The following PCDHGB7 variants were observed in gnomAD, a reference collection of about 807,000 sequenced individuals.
The protein encoded by PCDHGB7 is protocadherin gamma subfamily B, 7.
Under a neutral mutation model 61.4 loss-of-function variants are expected in PCDHGB7, and 37 were observed. The observed-to-expected ratio is 0.60, with a 90% CI of 0.46 to 0.79. PCDHGB7 has a LOEUF of 0.79. Ranked by LOEUF, PCDHGB7 falls within the 30% of genes least tolerant of loss-of-function variation. The pLI is 0.00. For synonymous variants in PCDHGB7, 464 were observed against 503.5 expected, an observed-to-expected ratio of 0.92 and a Z score of 1.05; for missense variants, 1,166 against 1,202.5, an observed-to-expected ratio of 0.97 and a Z score of 0.45.
chr5:141,422,158 G>GA (rs1401712595), intron 1 of PCDHGB7: 2 of 1,571,916 alleles, frequency 1.3e-6, no homozygotes, highest in Middle Eastern at 1.7e-4. Flanking sequence ...TCTGGATTTT[G>GA]AAAAATATAG....
chr5:141,432,725 G>A lies in PCDHGB7; in HGVS notation c.2415+12451G>A, dbSNP rs755759587. The A allele has an allele frequency of 7.4e-6, 12 of 1,613,896 alleles. No individual in the cohort carries two copies. Among genetic ancestry groups the A allele is most frequent in the African/African-American group, 1.3e-5 (1 of 74,932 alleles). On this transcript the variant is annotated intron_variant, in intron 1 of 3. Transcript: ENST00000398594. This position sits in a 1 kb window ranked among gnomAD's most constrained non-coding sequence, Gnocchi z 6.0. ...GGACCACGGCCAGCCCCCTCTCTCC[G>A]CCACTGTCACGCTCACCGTGGCCGT...
At chr5:141,507,785 C>T (rs1203302886) in intron 3 of PCDHGB7, among the ~76,000 whole-genome samples, 1 of 152,222 alleles carries the variant, frequency 6.6e-6, no homozygotes, top group African/African-American at 2.4e-5. Context: ...GCCTGACCCT[C>T]GTCTAAGCCT....
Position 141,418,176 on chromosome 5 carries a change from T to G in PCDHGB7, c.317T>G (p.Leu106Trp), listed in dbSNP as rs1197334192. 1 of 1,614,078 alleles carries G rather than the reference T, an allele frequency of 6.2e-7. No individual in the cohort carries two copies. Among genetic ancestry groups the G allele is most frequent in the Non-Finnish European group, 8.5e-7 (1 of 1,179,908 alleles). Residue 106 changes from leucine (L) to tryptophan (W), a missense_variant, in exon 1 of 4, where the codon TTG becomes TGG. Physicochemically the swap from Leu to Trp is moderately conservative, Grantham distance 61. Coordinates refer to ENST00000398594, the MANE Select transcript of PCDHGB7 (RefSeq NM_018927.4). Reference protein sequence around the residue: ...CKERRRCELQLEAVVENPLNI... With the variant: ...CKERRRCELQWEAVVENPLNI... ...GAGAGAAGAAGATGTGAGTTGCAAT[T>G]GGAAGCTGTGGTGGAAAATCCTTTA...
At chr5:141,449,349 G>A (rs191322076) in intron 1 of PCDHGB7, among the ~76,000 whole-genome samples, 2 of 151,956 alleles carry the variant, frequency 1.3e-5, no homozygotes, top group African/African-American at 4.8e-5. Flanking sequence ...GCTCACTCCT[G>A]TAATCCCAGC....
intron 1 of PCDHGB7, among the ~76,000 whole-genome samples, chr5:141,465,091 G>A (rs1689517062): frequency 6.7e-6 from 1 of 149,016 alleles, no homozygotes; most frequent in Non-Finnish European, 1.5e-5. Context: ...CATTTTTCTA[G>A]TAGTTTTTTT....
chr5:141,491,908 G>A lies in PCDHGB7; in HGVS notation c.2416-2899G>A. ...GGGGCTCCGAGCACCGGGGGTGGTG[G>A]CGACTGTGGGCGAGGGGAGGTGGGA... On this transcript the variant is annotated intron_variant, in intron 1 of 3. Transcript: ENST00000398594. The surrounding 1 kb of genome is among the most constrained non-coding windows in gnomAD (Gnocchi z 6.9). The A allele has an allele frequency of 7.1e-7, 1 of 1,408,288 alleles. No individual in the cohort carries two copies. Among genetic ancestry groups the A allele is most frequent in the East Asian group, 2.5e-5 (1 of 39,276 alleles). The allele number at this position is 1,408,288 out of a possible 1,614,324, so 87.2% of individuals were successfully genotyped here. A position where few individuals can be genotyped will look rare whatever the true frequency, so the allele number is the denominator to read the frequency against.
At chr5:141,478,625 T>A in intron 1 of PCDHGB7, 3 of 1,554,218 alleles carry the variant, frequency 1.9e-6, no homozygotes, top group Non-Finnish European at 2.6e-6. Context: ...ATGGAGCTGT[T>A]TTTTTAGTGA....
rs920444759 is a variant in PCDHGB7, at chr5:141,432,767, C to G, written c.2415+12493C>G. On this transcript the variant is annotated intron_variant, in intron 1 of 3. Transcript: ENST00000398594. The surrounding 1 kb of genome is among the most constrained non-coding windows in gnomAD (Gnocchi z 6.0). ...CGTGGCCGTGGCCGACAGCATCCCC[C>G]AAGTCCTGGCGGACCTCGGCAGCCT... 2 of 1,614,058 alleles carry G rather than the reference C, an allele frequency of 1.2e-6. No individual in the cohort carries two copies. Among genetic ancestry groups the G allele is most frequent in the Admixed American group, 1.7e-5 (1 of 60,012 alleles).
chr5:141,491,648 T>C lies in PCDHGB7; in HGVS notation c.2416-3159T>C. ...GTTCAGCAGCCCACAGCTCTGGCGC[T>C]GGAGCCTGACGCCATCCGGTCCCGC... On this transcript the variant is annotated intron_variant, in intron 1 of 3. Transcript: ENST00000398594. The surrounding 1 kb of genome is among the most constrained non-coding windows in gnomAD (Gnocchi z 6.9). 2 of 1,613,834 alleles carry C rather than the reference T, an allele frequency of 1.2e-6. No individual in the cohort carries two copies. Among genetic ancestry groups the C allele is most frequent in the South Asian group, 1.1e-5 (1 of 91,082 alleles).
chr5:141,420,080 C>G lies in PCDHGB7; in HGVS notation c.2221C>G (p.Pro741Ala). Residue 741 changes from proline (P) to alanine (A), a missense_variant, in exon 1 of 4, where the codon CCC (proline) becomes GCC (alanine). Transcript: ENST00000398594. ...CTCCAAGTCCGGACCTGTGGGTCCC[C>G]CCAACTACAGTGAGGGAACGTTGCC... is the stretch of plus-strand genomic sequence containing the variant. ...LCSKSGPVGP[P>A]NYSEGTLPYA... The G allele has an allele frequency of 1.2e-6, 2 of 1,614,010 alleles. No homozygotes were observed. Among genetic ancestry groups the G allele is most frequent in the African/African-American group, 1.3e-5 (1 of 75,062 alleles).
chr5:141,476,699 G>C lies in PCDHGB7; in HGVS notation c.2416-18108G>C. 1 of 1,614,222 alleles carries C rather than the reference G, an allele frequency of 6.2e-7. No individual in the cohort carries two copies. The highest frequency in any genetic ancestry group is 8.5e-7 in the Non-Finnish European group (1 of 1,180,042). ...GCGGGAGGACAGCACCAAGTACGCG[G>C]AGCTGGTGTTGGAGCGCGCCCTGGA... is the stretch of plus-strand genomic sequence containing the variant. On this transcript the variant is annotated intron_variant, in intron 1 of 3. Transcript: ENST00000398594. The surrounding 1 kb of genome is among the most constrained non-coding windows in gnomAD (Gnocchi z 7.6).
intron 1 of PCDHGB7, among the ~76,000 whole-genome samples, chr5:141,451,875 T>C (rs747595781): frequency 5.9e-5 from 9 of 151,594 alleles, no homozygotes; most frequent in Non-Finnish European, 1.3e-4. Context: ...AATGAAACCC[T>C]GTCAAGAAAG....
chr5:141,429,389 A>ATTT (rs1561841246), intron 1 of PCDHGB7, among the ~76,000 whole-genome samples: 155 of 147,652 alleles, frequency 1.0e-3, no homozygotes, highest in African/African-American at 3.7e-3. Flanking sequence ...TTTTTTTTTA[A>ATTT]AAAAAATTGA....
At position 141,485,841 on chromosome 5, in the gene PCDHGB7, C is replaced by G. The variant is rs969476505; in HGVS notation, c.2416-8966C>G. On this transcript the variant is annotated intron_variant, in intron 1 of 3. Transcript: ENST00000398594. This position sits in a 1 kb window ranked among gnomAD's most constrained non-coding sequence, Gnocchi z 5.7. Reference sequence around the variant, plus strand: ...GTCGATGGAGGGAACCCGCCGAGATCTGGCACCGCAGAGCTCCGGGTATCC... The same window carrying G: ...GTCGATGGAGGGAACCCGCCGAGATGTGGCACCGCAGAGCTCCGGGTATCC... 29 of 1,614,104 alleles carry G rather than the reference C, an allele frequency of 1.8e-5. No individual in the cohort carries two copies. The highest frequency in any genetic ancestry group is 2.2e-5 in the South Asian group (2 of 91,080).
rs140199351 is a variant in PCDHGB7, at chr5:141,465,921, G to C, written c.2416-28886G>C. Among the ~76,000 whole-genome samples, 1,515 of 152,146 alleles carry C rather than the reference G, an allele frequency of 1.0e-2. 24 individuals carry two copies. The highest frequency in any genetic ancestry group is 0.034 in the African/African-American group (1,400 of 41,520). On this transcript the variant is annotated intron_variant, in intron 1 of 3. Transcript: ENST00000398594. ...GCAAATCACGAGGTCAGGATTTCGA[G>C]TCCATCCTGGCTAACATGGTGAAAC...
chr5:141,431,178 TAA>T lies in PCDHGB7; in HGVS notation c.2415+10908_2415+10909del. On this transcript the variant is annotated intron_variant, in intron 1 of 3. Transcript: ENST00000398594. This position sits in a 1 kb window ranked among gnomAD's most constrained non-coding sequence, Gnocchi z 4.8. ...TACTTTCGTGAAAGTGAATTAGAAA[TAA>T]AAATTAGTGAAAATGCAGCCACTGA... is the stretch of plus-strand genomic sequence containing the variant. 1 of 1,614,078 alleles carries T rather than the reference TAA, an allele frequency of 6.2e-7. No homozygotes were observed. Among genetic ancestry groups the T allele is most frequent in the Non-Finnish European group, 8.5e-7 (1 of 1,180,000 alleles).
In PCDHGB7 at chr5:141,487,636, AC is replaced by A. The variant is rs1562120737; in HGVS notation, c.2416-7170del. On this transcript the variant is annotated intron_variant, in intron 1 of 3. Coordinates refer to ENST00000398594, the MANE Select transcript of PCDHGB7 (RefSeq NM_018927.4). The surrounding 1 kb of genome is among the most constrained non-coding windows in gnomAD (Gnocchi z 5.0). ...TAGAGGTGAGACCTTTGCAGGCTCA[AC>A]AAATGCTTGAGGGTTATTCTGATCC... 1 of 1,614,192 alleles carries A rather than the reference AC, an allele frequency of 6.2e-7. No individual in the cohort carries two copies. The highest frequency in any genetic ancestry group is 2.2e-5 in the East Asian group (1 of 44,886).
At chr5:141,444,788 G>T (rs775248284) in intron 1 of PCDHGB7, among the ~76,000 whole-genome samples, 59 of 151,920 alleles carry the variant, frequency 3.9e-4, no homozygotes, top group Non-Finnish European at 5.7e-4. Context: ...TGTTTCATTT[G>T]TCTATTCTTT....
intron 1 of PCDHGB7, among the ~76,000 whole-genome samples, chr5:141,435,946 A>C (rs953432473): frequency 6.6e-6 from 1 of 152,174 alleles, no homozygotes; most frequent in Non-Finnish European, 1.5e-5. Flanking sequence ...CTGAGACCAA[A>C]AAAGGGGGCA....
Sources: allele counts gnomAD v4.1 joint callset (sites outside exome capture counted in the v4.1 genomes callset), GRCh38; gene constraint gnomAD v4.1.1; non-coding constraint Gnocchi (gnomAD v3.1); transcripts MANE v1.5; gene names NCBI Gene and HGNC (gene_info 2026-07-23, HGNC 2026-07-21).